TCF20: variants seen among roughly 807,000 people sequenced by gnomAD.
TCF20 encodes the protein SPRE-binding protein.
Under a neutral mutation model 148.6 loss-of-function variants are expected in TCF20, and 3 were observed. The ratio of observed to expected loss-of-function variants is 0.02; its 90% CI spans 0.01 to 0.05. TCF20 has a LOEUF of 0.05. Ranked by LOEUF, TCF20 falls within the 10% of genes least tolerant of loss-of-function variation. The pLI is 1.00. For missense variants in TCF20, 2,350 were observed against 2,429.3 expected (o/e 0.97, Z 0.69); for synonymous variants, 1,049 against 909.5 (o/e 1.15, Z -2.76).
intron 1 of TCF20, among the ~76,000 whole-genome samples, chr22:42,269,277 C>T (rs563446587): frequency 1.6e-4 from 24 of 152,122 alleles, no homozygotes; most frequent in Non-Finnish European, 2.8e-4. Context: ...ACAGCAGTTA[C>T]CAGAGACATC....
chr22:42,236,072 T>G (rs768383188), intron 1 of TCF20, among the ~76,000 whole-genome samples: 2 of 151,948 alleles, frequency 1.3e-5, no homozygotes, highest in Non-Finnish European at 2.9e-5. Flanking sequence ...CAGGCACCTG[T>G]AATCCGAGAA....
At chr22:42,306,273 C>G (rs1345373603) in intron 1 of TCF20, among the ~76,000 whole-genome samples, 1 of 152,274 alleles carries the variant, frequency 6.6e-6, no homozygotes, top group Non-Finnish European at 1.5e-5. Context: ...GGAGTTGCCA[C>G]CTGCAATTCT....
At chr22:42,328,483 G>A (rs561945235) in intron 1 of TCF20, among the ~76,000 whole-genome samples, 1 of 152,218 alleles carries the variant, frequency 6.6e-6, no homozygotes, top group East Asian at 1.9e-4. Flanking sequence ...GCAGCCCCCC[G>A]TGAACCTGGT....
intron 1 of TCF20, among the ~76,000 whole-genome samples, chr22:42,310,154 T>A (rs1927507334): frequency 6.6e-6 from 1 of 152,214 alleles, no homozygotes; most frequent in Non-Finnish European, 1.5e-5. Context: ...CAGAGGGAAT[T>A]GTTTCTGTTG....
intron 2 of TCF20, among the ~76,000 whole-genome samples, chr22:42,203,801 AAAGGGCAGTTGTAGCAAGCACAGAGG>A (rs1313410226): frequency 6.6e-6 from 1 of 152,104 alleles, no homozygotes; most frequent in African/African-American, 2.4e-5. Flanking sequence ...GGAATGTGAG[AAAGGGCAGTTGTAGCAAGCACAGAGG>A]AAGAACAATC....
chr22:42,234,342 G>A (rs1029568651), intron 1 of TCF20, among the ~76,000 whole-genome samples: 6 of 152,208 alleles, frequency 3.9e-5, no homozygotes, highest in South Asian at 2.1e-4. Context: ...CCTGTCAAAT[G>A]AAGCAAAAAG....
At chr22:42,254,107 A>C (rs1925588705) in intron 1 of TCF20, among the ~76,000 whole-genome samples, 1 of 151,364 alleles carries the variant, frequency 6.6e-6, no homozygotes, top group South Asian at 2.1e-4. Flanking sequence ...AAAGTAACTG[A>C]AGCTTCCACA....
intron 1 of TCF20, among the ~76,000 whole-genome samples, chr22:42,260,296 G>C (rs1177937409): frequency 2.0e-5 from 3 of 152,134 alleles, no homozygotes; most frequent in Non-Finnish European, 4.4e-5. Context: ...TCAGAAGGAG[G>C]CAAAGGTTAG....
chr22:42,237,102 G>C (rs1350677890), intron 1 of TCF20, among the ~76,000 whole-genome samples: 1 of 147,808 alleles, frequency 6.8e-6, no homozygotes, highest in Non-Finnish European at 1.5e-5. Flanking sequence ...CCTTTTCTAA[G>C]AGATTTTTCT....
intron 1 of TCF20, among the ~76,000 whole-genome samples, chr22:42,227,983 CAT>C (rs767661288): frequency 3.9e-5 from 6 of 152,320 alleles, no homozygotes; most frequent in Middle Eastern, 3.4e-3. Context: ...GCAAGTCACA[CAT>C]ATGTTACTGT....
At chr22:42,239,993 A>T (rs1330396367) in intron 1 of TCF20, among the ~76,000 whole-genome samples, 5 of 152,186 alleles carry the variant, frequency 3.3e-5, no homozygotes, top group Non-Finnish European at 5.9e-5. Context: ...AATAAAGTAG[A>T]ATGCAATAAA....
At chr22:42,337,728 G>A (rs1032998068) in intron 1 of TCF20, among the ~76,000 whole-genome samples, 3 of 152,218 alleles carry the variant, frequency 2.0e-5, no homozygotes, top group Non-Finnish European at 2.9e-5. Context: ...TATTCCAGGG[G>A]TAGTTTCAGG....
intron 1 of TCF20, among the ~76,000 whole-genome samples, chr22:42,264,021 A>C (rs1254802201): frequency 1.3e-5 from 2 of 152,100 alleles, no homozygotes; most frequent in Admixed American, 6.5e-5. Flanking sequence ...AAAATTCTAT[A>C]ATCAGAGAGT....
chr22:42,325,881 G>A (rs1254217212), intron 1 of TCF20, among the ~76,000 whole-genome samples: 1 of 152,190 alleles, frequency 6.6e-6, no homozygotes, highest in Non-Finnish European at 1.5e-5. Context: ...GCCCTAGCTT[G>A]CAGGATTAGC....
chr22:42,169,342 G>C (rs1935981543), intron 4 of TCF20, among the ~76,000 whole-genome samples: 2 of 152,046 alleles, frequency 1.3e-5, no homozygotes, highest in South Asian at 4.2e-4. Flanking sequence ...AAATAAACTG[G>C]GAAGTGGAGC....
chr22:42,330,131 G>A (rs760224269), intron 1 of TCF20, among the ~76,000 whole-genome samples: 3 of 152,192 alleles, frequency 2.0e-5, no homozygotes, highest in Non-Finnish European at 2.9e-5. Flanking sequence ...ACAACCCCTG[G>A]CCAGGGCCTC....
Position 42,212,098 on chromosome 22 carries a change from G to A in TCF20, c.3208C>T (p.His1070Tyr), listed in dbSNP as rs750495280. 1 of 1,614,198 alleles carries A rather than the reference G, an allele frequency of 6.2e-7. No individual in the cohort carries two copies. Among genetic ancestry groups the A allele is most frequent in the Non-Finnish European group, 8.5e-7 (1 of 1,180,038 alleles). Reference sequence around the variant, plus strand: ...CCTGCGTTAGGGTCCCCATAAGCATGAGCCCGAGTATTTGCATGATAAGCA... The same window carrying A: ...CCTGCGTTAGGGTCCCCATAAGCATAAGCCCGAGTATTTGCATGATAAGCA... The part of the protein sequence containing the change: ...ASAYHANTRA[H>Y]AYGDPNAGLN... The change falls in exon 2 of 6, where the codon CAT (histidine) becomes TAT (tyrosine). Residue 1070 changes from histidine (H) to tyrosine (Y), a missense_variant. By Grantham distance (83) the His-to-Tyr change is moderately conservative. Coordinates refer to ENST00000677622, the MANE Select transcript of TCF20 (RefSeq NM_001378418.1).
Position 42,316,982 on chromosome 22 carries a change from C to T in TCF20, c.-37+26497G>A, listed in dbSNP as rs189536552. On this transcript the variant is annotated intron_variant, in intron 1 of 1. Coordinates refer to the TCF20 transcript ENST00000515426. ...ACTGCTTTTCTCTTCCTGGAATGCCCTTCCTTACCCCTTTGCTGCCAAGTG... is the reference window on the plus strand; with the variant it reads ...ACTGCTTTTCTCTTCCTGGAATGCCTTTCCTTACCCCTTTGCTGCCAAGTG... 2.7e-3 allele frequency among the ~76,000 whole-genome samples: 406 copies of T among 152,300 alleles called. 1 individual carries two copies. The highest frequency in any genetic ancestry group is 4.5e-3 in the Non-Finnish European group (307 of 68,028).
rs957324500 is a variant in TCF20 at position 42,314,715 on chromosome 22, T to C, written c.-37+28764A>G. ...ACAAGCCCAGTGCTGACTGGCACAG[T>C]GCAAGCACCCGGTGGATGTCTGCTG... is the stretch of plus-strand genomic sequence containing the variant. On this transcript the variant is annotated intron_variant, in intron 1 of 1. Transcript: ENST00000515426. Among the ~76,000 whole-genome samples, 5 of 152,176 alleles carry C rather than the reference T, an allele frequency of 3.3e-5. No individual in the cohort carries two copies. The South Asian group carries it at 1.0e-3, about 32-fold the overall frequency.
Sources: allele counts gnomAD v4.1 joint callset (sites outside exome capture counted in the v4.1 genomes callset), GRCh38; gene constraint gnomAD v4.1.1; transcripts MANE v1.5; gene names NCBI Gene and HGNC (gene_info 2026-07-23, HGNC 2026-07-21).